ALDH1A2: variants seen among roughly 807,000 people sequenced by gnomAD.
ALDH1A2 encodes the protein retinal dehydrogenase 2.
A neutral mutation model predicts 60.3 loss-of-function variants in ALDH1A2; 27 were observed. The observed-to-expected ratio is 0.45, with a 90% CI of 0.33 to 0.62. ALDH1A2 has a LOEUF of 0.62. Ranked by LOEUF, ALDH1A2 falls within the 20% of genes least tolerant of loss-of-function variation. The probability of loss-of-function intolerance (pLI) is 0.02; values close to 1 mark genes in which losing one functional copy is unlikely to be tolerated. For synonymous variants in ALDH1A2, 289 were observed against 232.4 expected (o/e 1.24, Z -2.21); for missense variants, 581 against 643.8 (o/e 0.90, Z 1.06).
At chr15:58,036,027 T>C (rs945162113) in intron 1 of ALDH1A2, among the ~76,000 whole-genome samples, 1 of 151,712 alleles carries the variant, frequency 6.6e-6, no homozygotes, top group Non-Finnish European at 1.5e-5. Flanking sequence ...TAAAAAATAA[T>C]GTATGCAAGG....
intron 7 of ALDH1A2, among the ~76,000 whole-genome samples, chr15:57,985,595 AG>A (rs1159166096): frequency 6.6e-6 from 1 of 152,184 alleles, no homozygotes; most frequent in African/African-American, 2.4e-5. Context: ...AAAGCAGGGG[AG>A]GGTTCTACTG....
chr15:58,041,506 G>C lies in ALDH1A2; in HGVS notation c.117+24028C>G, dbSNP rs144769882. Among the ~76,000 whole-genome samples the C allele has an allele frequency of 9.6e-4, 146 of 152,006 alleles. 2 individuals are homozygous for C. The East Asian group carries it at 0.026, about 27-fold the overall frequency. ...TTATTTCTCATAGTCCTGGAAGCCG[G>C]GAATTTCTAGATCAAGGCACTGGCA... On this transcript the variant is annotated intron_variant, in intron 1 of 12. Coordinates refer to ENST00000249750, the MANE Select transcript of ALDH1A2 (RefSeq NM_003888.4).
chr15:58,056,936 GATATACTGGAGGTGTACATACTGGGA>G (rs1292180750), intron 1 of ALDH1A2, among the ~76,000 whole-genome samples: 1 of 152,124 alleles, frequency 6.6e-6, no homozygotes, highest in Non-Finnish European at 1.5e-5. Flanking sequence ...CTGCTGGTGG[GATATACTGGAGGTGTACATACTGGGA>G]ATATACTGGT....
chr15:57,999,039 CA>C lies in ALDH1A2; in HGVS notation c.494-3901del, dbSNP rs201007035. Among the ~76,000 whole-genome samples, 579 of 152,190 alleles carry C rather than the reference CA, an allele frequency of 3.8e-3. 26 individuals are homozygous for C. In the East Asian group the frequency reaches 0.09, roughly 24 times the overall value. On this transcript the variant is annotated intron_variant, in intron 4 of 12. Transcript: ENST00000249750. ...CTGGACCCCTTCTTTACATCTTATA[CA>C]AAAATTACCTCAAGATGAATTAAAG...
At chr15:57,996,138 G>A (rs779671173) in intron 4 of ALDH1A2, among the ~76,000 whole-genome samples, 2 of 152,078 alleles carry the variant, frequency 1.3e-5, no homozygotes, top group African/African-American at 2.4e-5. Flanking sequence ...TGGAAATGAA[G>A]GTGGGGACAG....
chr15:58,018,274 G>A (rs1029722742), intron 1 of ALDH1A2, among the ~76,000 whole-genome samples: 3 of 152,032 alleles, frequency 2.0e-5, no homozygotes, highest in African/African-American at 7.2e-5. Flanking sequence ...AATAATGCTG[G>A]TAATAGATTA....
Position 57,953,940 on chromosome 15 carries a change from CAGAAG to C in ALDH1A2, c.*1252_*1256del, listed in dbSNP as rs1283092099. On this transcript the variant is annotated 3_prime_UTR_variant, in exon 13 of 13. Coordinates refer to ENST00000249750, the MANE Select transcript of ALDH1A2 (RefSeq NM_003888.4). The stretch of plus-strand genomic sequence containing the variant: ...TCAAACTGGTGGAGTCACTGGAAAG[CAGAAG>C]AGGAGTATGTGGATGGGAAGAAAGG... The C allele has an allele frequency of 2.0e-5, 3 of 152,376 alleles. No homozygotes were observed. Among genetic ancestry groups the C allele is most frequent in the Non-Finnish European group, 2.9e-5 (2 of 68,058 alleles). 9.4% of individuals were successfully genotyped at this position (152,376 alleles called of 1,614,324 possible).
chr15:58,011,360 C>T (rs1004551842), intron 3 of ALDH1A2, among the ~76,000 whole-genome samples: 4 of 152,128 alleles, frequency 2.6e-5, no homozygotes, highest in African/African-American at 4.8e-5. Context: ...ACAACCATTA[C>T]CTATTAAGAG....
chr15:58,003,062 G>A (rs1895328052), intron 4 of ALDH1A2, among the ~76,000 whole-genome samples: 1 of 151,900 alleles, frequency 6.6e-6, no homozygotes, highest in African/African-American at 2.4e-5. Flanking sequence ...AGTCTGTCAT[G>A]AAGATAGCTT....
intron 1 of ALDH1A2, among the ~76,000 whole-genome samples, chr15:58,040,561 T>C (rs1432415980): frequency 6.6e-6 from 1 of 151,936 alleles, no homozygotes; most frequent in Non-Finnish European, 1.5e-5. Flanking sequence ...CTAAAGTTTA[T>C]GATGTAAATC....
At chr15:58,060,380 A>G (rs1896994404) in intron 1 of ALDH1A2, among the ~76,000 whole-genome samples, 1 of 151,848 alleles carries the variant, frequency 6.6e-6, no homozygotes, top group Non-Finnish European at 1.5e-5. Context: ...TTTTAACCCC[A>G]TAAAGTAGAT....
At chr15:58,010,809 T>G in intron 3 of ALDH1A2, 31 bp from the exon 4 acceptor site, 1 of 1,611,442 alleles carries the variant, frequency 6.2e-7, no homozygotes, top group East Asian at 2.2e-5. Flanking sequence ...AGATACTAAG[T>G]CCCCAGAACT....
chr15:57,993,040 T>C lies in ALDH1A2; in HGVS notation c.589A>G (p.Ile197Val), dbSNP rs1595649170. ...TTGCCACAGCACAAAGCTGGAGCTA[T>C]TTTCCAGGCAAACATCAGCAGGGGG... ...NFPLLMFAWK[I>V]APALCCGNTV... Residue 197 changes from isoleucine to valine, a missense_variant, in exon 6 of 13, where the codon ATA (isoleucine) becomes GTA (valine). Physicochemically the swap from Ile to Val is conservative, Grantham distance 29. Coordinates refer to ENST00000249750, the MANE Select transcript of ALDH1A2 (RefSeq NM_003888.4). 6.2e-7 allele frequency: 1 copy of C among 1,613,106 alleles called. No homozygotes were observed. Among genetic ancestry groups the C allele is most frequent in the East Asian group, 2.2e-5 (1 of 44,870 alleles).
At chr15:58,044,751 T>A (rs1311391430) in intron 1 of ALDH1A2, among the ~76,000 whole-genome samples, 3 of 151,954 alleles carry the variant, frequency 2.0e-5, no homozygotes, top group Non-Finnish European at 4.4e-5. Context: ...CCAACAGGAC[T>A]AAATTTGAGG....
chr15:57,974,958 A>T (rs925346195), intron 7 of ALDH1A2, among the ~76,000 whole-genome samples: 7 of 152,270 alleles, frequency 4.6e-5, no homozygotes, highest in Non-Finnish European at 1.0e-4. Flanking sequence ...TGTGGCAAAT[A>T]CACAAATGAA....
intron 1 of ALDH1A2, among the ~76,000 whole-genome samples, chr15:58,042,563 A>AG (rs1349726137): frequency 6.6e-6 from 1 of 151,946 alleles, no homozygotes; most frequent in African/African-American, 2.4e-5. Flanking sequence ...CCAGGAGTCA[A>AG]GTTTCTTGAA....
intron 1 of ALDH1A2, among the ~76,000 whole-genome samples, chr15:58,026,620 G>A (rs1320994492): frequency 6.6e-6 from 1 of 152,162 alleles, no homozygotes; most frequent in African/African-American, 2.4e-5. Context: ...CTAGCCAAGG[G>A]AAGCCATGAC....
At chr15:57,998,556 T>C (rs1034395992) in intron 4 of ALDH1A2, among the ~76,000 whole-genome samples, 4 of 151,802 alleles carry the variant, frequency 2.6e-5, no homozygotes, top group Admixed American at 6.6e-5. Context: ...TCAGAGAGGA[T>C]ACAAACAAAT....
chr15:58,061,593 C>A (rs1897033970), intron 1 of ALDH1A2, among the ~76,000 whole-genome samples: 3 of 62,310 alleles, frequency 4.8e-5, no homozygotes, highest in Non-Finnish European at 1.4e-4. Context: ...AACTCCTTCC[C>A]TCAAAAAAAA....
Sources: gnomAD v4.1 joint callset for allele counts (sites outside exome capture counted in the v4.1 genomes callset) on GRCh38, gnomAD v4.1.1 for gene constraint, MANE v1.5 for transcripts, NCBI Gene and HGNC (gene_info 2026-07-23, HGNC 2026-07-21) for gene names.